The following COL26A1 variants were observed in gnomAD, a reference collection of about 807,000 sequenced individuals.
The protein encoded by COL26A1 is collagen alpha-1(XXVI) chain.
In COL26A1, 41 loss-of-function variants were observed where a neutral mutation model predicts 59.3. The ratio of observed to expected loss-of-function variants is 0.69; its 90% CI spans 0.54 to 0.90. The LOEUF is 0.90. COL26A1 is among the 40% of genes least tolerant of loss of function. The pLI, the probability that COL26A1 is intolerant of heterozygous loss-of-function variation, is 0.00. For missense variants in COL26A1, 612 were observed against 602.3 expected, an observed-to-expected ratio of 1.02 and a Z score of -0.17; for synonymous variants, 266 against 256.0, an observed-to-expected ratio of 1.04 and a Z score of -0.37.
chr7:101,413,409 C>T (rs900035105), intron 1 of COL26A1, among the ~76,000 whole-genome samples: 2 of 152,056 alleles, frequency 1.3e-5, no homozygotes, highest in Non-Finnish European at 2.9e-5. Flanking sequence ...ATCCCAGCTA[C>T]TTGGGAGGCT....
chr7:101,435,893 C>T (rs1472402509), intron 2 of COL26A1, among the ~76,000 whole-genome samples: 4 of 152,322 alleles, frequency 2.6e-5, no homozygotes, highest in Non-Finnish European at 5.9e-5. Context: ...CTCTGCCAGA[C>T]GGCCCCCTGC....
chr7:101,404,821 G>A (rs568300804), intron 1 of COL26A1, among the ~76,000 whole-genome samples: 8 of 152,332 alleles, frequency 5.3e-5, no homozygotes, highest in Non-Finnish European at 1.2e-4. Flanking sequence ...AGGATTGCTT[G>A]AGCTCAGGAA....
At chr7:101,519,390 T>A (rs1181679658) in intron 3 of COL26A1, among the ~76,000 whole-genome samples, 2 of 152,190 alleles carry the variant, frequency 1.3e-5, no homozygotes, top group African/African-American at 4.8e-5. Flanking sequence ...AGCTCACTGC[T>A]GCCTCCAACT....
At chr7:101,529,555 G>A (rs1227155695) in intron 3 of COL26A1, among the ~76,000 whole-genome samples, 1 of 152,050 alleles carries the variant, frequency 6.6e-6, no homozygotes, top group Admixed American at 6.6e-5. Context: ...CACCATGCCC[G>A]GCCTCATCAC....
chr7:101,447,670 T>G lies in COL26A1; in HGVS notation c.282-14T>G. On this transcript the variant is annotated splice_polypyrimidine_tract_variant and intron_variant, in intron 2 of 12. Transcript: ENST00000313669. ...GTGGGAGCTCATGCCCCCCTGACGCTGTCTGTGTGTTAGTTACAGGACTCT... is the reference window on the plus strand; with the variant it reads ...GTGGGAGCTCATGCCCCCCTGACGCGGTCTGTGTGTTAGTTACAGGACTCT... 6.5e-7 allele frequency: 1 copy of G among 1,548,152 alleles called. No homozygotes were observed. The highest frequency in any genetic ancestry group is 8.8e-7 in the Non-Finnish European group (1 of 1,135,096).
chr7:101,458,775 A>G (rs529831735), intron 3 of COL26A1, among the ~76,000 whole-genome samples: 1 of 150,836 alleles, frequency 6.6e-6, no homozygotes, highest in Non-Finnish European at 1.5e-5. Flanking sequence ...CTAGCTAAGG[A>G]GTGGCCAGTG....
chr7:101,362,931 C>G lies in COL26A1; in HGVS notation c.-102C>G, dbSNP rs1240425165. 1 of 1,250,190 alleles carries G rather than the reference C, an allele frequency of 8.0e-7. No homozygotes were observed. The highest frequency in any genetic ancestry group is 1.1e-6 in the Non-Finnish European group (1 of 938,848). 77.4% of individuals were successfully genotyped at this position (1,250,190 alleles called of 1,614,324 possible). The stretch of plus-strand genomic sequence containing the variant: ...CTCCGACCGCTCGCCCCGCTCCTCT[C>G]GCTGTGCTCCCGGCCGGTGCCGCGG... On this transcript the variant is annotated 5_prime_UTR_variant, in exon 1 of 13. Transcript: ENST00000313669.
At chr7:101,399,388 A>G (rs115268809) in intron 1 of COL26A1, among the ~76,000 whole-genome samples, 3,325 of 152,098 alleles carry the variant, frequency 0.022, 116 homozygotes, top group African/African-American at 0.076. Context: ...CTGAAGCACG[A>G]TCTCAGCTCA....
intron 2 of COL26A1, among the ~76,000 whole-genome samples, chr7:101,442,687 C>A (rs796935176): frequency 1.3e-5 from 2 of 152,070 alleles, no homozygotes; most frequent in Non-Finnish European, 2.9e-5. Context: ...AGAGGTTAGT[C>A]CTCAGGTATG....
intron 3 of COL26A1, among the ~76,000 whole-genome samples, chr7:101,451,417 T>C (rs1324855618): frequency 6.8e-6 from 1 of 147,612 alleles, no homozygotes; most frequent in Non-Finnish European, 1.5e-5. Context: ...ATATAAATTA[T>C]ATACAATTTA....
At chr7:101,470,149 G>A (rs1305579463) in intron 3 of COL26A1, among the ~76,000 whole-genome samples, 4 of 150,562 alleles carry the variant, frequency 2.7e-5, no homozygotes, top group African/African-American at 9.7e-5. Flanking sequence ...CTGTCATCCA[G>A]GATGGAGTGC....
intron 2 of COL26A1, among the ~76,000 whole-genome samples, chr7:101,442,999 G>C (rs568222669): frequency 2.6e-5 from 4 of 152,316 alleles, no homozygotes; most frequent in African/African-American, 7.2e-5. Context: ...GTGCAAGCGT[G>C]TGAAGGTGTG....
At chr7:101,400,353 ATTTTTTTTTTTTT>A (rs574852983) in intron 1 of COL26A1, among the ~76,000 whole-genome samples, 2 of 97,256 alleles carry the variant, frequency 2.1e-5, no homozygotes, top group African/African-American at 4.5e-5. Context: ...TTTTTTTCCT[ATTTTTTTTTTTTT>A]TTTTTTTTTT....
At chr7:101,505,454 T>C (rs1794794143) in intron 3 of COL26A1, among the ~76,000 whole-genome samples, 1 of 152,166 alleles carries the variant, frequency 6.6e-6, no homozygotes, top group Non-Finnish European at 1.5e-5. Context: ...ATACTTTTTT[T>C]TTTGGATGGA....
chr7:101,386,268 T>TG (rs201441850), intron 1 of COL26A1, among the ~76,000 whole-genome samples: 8,098 of 147,936 alleles, frequency 0.055, 273 homozygotes, highest in East Asian at 0.083. Flanking sequence ...TTTTTTTTTT[T>TG]TTTTTTTTTT....
At chr7:101,451,374 A>G (rs866542057) in intron 3 of COL26A1, among the ~76,000 whole-genome samples, 153 of 146,960 alleles carry the variant, frequency 1.0e-3, no homozygotes, top group African/African-American at 3.6e-3. Context: ...TAAATTATAT[A>G]TAATGTTATA....
At chr7:101,404,826 C>T (rs115483557) in intron 1 of COL26A1, among the ~76,000 whole-genome samples, 2,608 of 152,300 alleles carry the variant, frequency 0.017, 68 homozygotes, top group African/African-American at 0.06. Context: ...TGCTTGAGCT[C>T]AGGAAGCAGA....
At chr7:101,433,466 G>A (rs1294725479) in intron 2 of COL26A1, among the ~76,000 whole-genome samples, 2 of 152,122 alleles carry the variant, frequency 1.3e-5, no homozygotes, top group African/African-American at 4.8e-5. Context: ...TCCTCCTGGT[G>A]TCCTGGGAGG....
intron 1 of COL26A1, among the ~76,000 whole-genome samples, chr7:101,375,174 C>A (rs1436235324): frequency 2.6e-5 from 4 of 152,166 alleles, no homozygotes; most frequent in African/African-American, 9.7e-5. Context: ...GACTAAGTTG[C>A]CTGCCCTCTC....
Sources: gnomAD v4.1 joint callset for allele counts (sites outside exome capture counted in the v4.1 genomes callset) on GRCh38, gnomAD v4.1.1 for gene constraint, MANE v1.5 for transcripts, NCBI Gene and HGNC (gene_info 2026-07-23, HGNC 2026-07-21) for gene names.